L3MBTL3: variants seen among roughly 807,000 people sequenced by gnomAD.
L3MBTL3 encodes the protein L3MBTL histone methyl-lysine binding protein 3, also known as lethal(3)malignant brain tumor-like protein 3.
In L3MBTL3, 27 loss-of-function variants were observed where a neutral mutation model predicts 102.3. The ratio of observed to expected loss-of-function variants is 0.26; its 90% CI spans 0.19 to 0.36. The LOEUF (loss-of-function observed/expected upper bound fraction) is 0.36, where lower values mean the gene tolerates loss of function less well. Among genes scored for constraint, L3MBTL3 ranks in the 10% least tolerant of loss-of-function variants. The pLI is 1.00. For synonymous variants in L3MBTL3, 340 were observed against 320.9 expected (o/e 1.06, Z -0.64); for missense variants, 798 against 955.3 (o/e 0.84, Z 2.17).
At chr6:130,102,663 A>G (rs1784765274) in intron 18 of L3MBTL3, among the ~76,000 whole-genome samples, 1 of 152,066 alleles carries the variant, frequency 6.6e-6, no homozygotes, top group Non-Finnish European at 1.5e-5. Flanking sequence ...TTTCCCTCAA[A>G]CAAACCAAGC....
intron 6 of L3MBTL3, 77 bp from the exon 7 acceptor site, chr6:130,052,782 G>T: frequency 3.3e-6 from 5 of 1,494,984 alleles, no homozygotes; most frequent in Admixed American, 4.5e-5. Context: ...TTTAATGATT[G>T]TTGCATTGAT....
chr6:130,049,702 C>T lies in L3MBTL3; in HGVS notation c.215-54C>T, dbSNP rs765746443. ...CTGCCACTTTTTTTCTCATCTACTC[C>T]GATGGTTGTAACTAACACCTATATG... On this transcript the variant is annotated intron_variant, in intron 4 of 22. Coordinates refer to ENST00000361794, the MANE Select transcript of L3MBTL3 (RefSeq NM_032438.4). 111 of 1,610,190 alleles carry T rather than the reference C, an allele frequency of 6.9e-5. 1 individual carries two copies. In the South Asian group the frequency reaches 8.1e-4, roughly 12 times the overall value.
intron 18 of L3MBTL3, among the ~76,000 whole-genome samples, chr6:130,103,360 A>G (rs1227945395): frequency 1.3e-5 from 2 of 152,234 alleles, no homozygotes; most frequent in African/African-American, 4.8e-5. Context: ...TCTGTGATAT[A>G]TCTTATAGGC....
rs575220427 is a variant in L3MBTL3 at position 130,026,221 on chromosome 6, T to G, written c.-16+3916T>G. On this transcript the variant is annotated intron_variant, in intron 2 of 22. Coordinates refer to ENST00000361794, the MANE Select transcript of L3MBTL3 (RefSeq NM_032438.4). Reference sequence around the variant, plus strand: ...TTATTTATTCATCCAAAAAATACTTTGAGTGCTTTCTGTATGCCCAGGTAC... The same window carrying G: ...TTATTTATTCATCCAAAAAATACTTGGAGTGCTTTCTGTATGCCCAGGTAC... 4.6e-5 allele frequency among the ~76,000 whole-genome samples: 7 copies of G among 152,288 alleles called. No homozygotes were observed. The East Asian group carries it at 1.3e-3, about 29-fold the overall frequency.
intron 3 of L3MBTL3, among the ~76,000 whole-genome samples, chr6:130,046,562 T>C (rs977350745): frequency 3.3e-5 from 5 of 152,246 alleles, no homozygotes; most frequent in Non-Finnish European, 7.3e-5. Context: ...CAGTCCCTTA[T>C]ATATTTCAGG....
intron 7 of L3MBTL3, among the ~76,000 whole-genome samples, chr6:130,054,703 C>T (rs1018940162): frequency 2.0e-5 from 3 of 152,122 alleles, no homozygotes; most frequent in Non-Finnish European, 4.4e-5. Context: ...CCCAAGTAGG[C>T]ATTTGTCTAC....
At chr6:130,123,481 ATT>A (rs1786380825) in intron 20 of L3MBTL3, among the ~76,000 whole-genome samples, 3 of 152,106 alleles carry the variant, frequency 2.0e-5, no homozygotes, top group African/African-American at 7.2e-5. Context: ...TATTGCACAT[ATT>A]TTTATAGGTG....
chr6:130,120,901 AAAG>A lies in L3MBTL3; in HGVS notation c.1914_1916del (p.Glu638del). 1.2e-6 allele frequency: 2 copies of A among 1,612,438 alleles called. No homozygotes were observed. Among genetic ancestry groups the A allele is most frequent in the Non-Finnish European group, 1.7e-6 (2 of 1,179,128 alleles). ...TAGAGACCAGCATGCTGATGATGTCAAAGAAGACTTTGAAGAGAGAACAGAAAG... is the reference window on the plus strand; with the variant it reads ...TAGAGACCAGCATGCTGATGATGTCAAAGACTTTGAAGAGAGAACAGAAAG... On this transcript the variant is annotated inframe_deletion, in exon 20 of 23. Transcript: ENST00000361794.
At chr6:130,097,260 TCTTA>T (rs1784414064) in intron 18 of L3MBTL3, among the ~76,000 whole-genome samples, 1 of 152,242 alleles carries the variant, frequency 6.6e-6, no homozygotes, top group African/African-American at 2.4e-5. Flanking sequence ...TTTCACTGGC[TCTTA>T]CTTTTGTTCT....
At chr6:130,105,621 C>CAAAAAAA (rs35147208) in intron 19 of L3MBTL3, among the ~76,000 whole-genome samples, 2 of 122,526 alleles carry the variant, frequency 1.6e-5, no homozygotes, top group Non-Finnish European at 3.3e-5. Context: ...GACCCTGTCT[C>CAAAAAAA]AAAAAAAAAA....
intron 19 of L3MBTL3, among the ~76,000 whole-genome samples, chr6:130,110,097 G>A (rs945104190): frequency 1.3e-5 from 2 of 152,124 alleles, no homozygotes; most frequent in Admixed American, 6.5e-5. Flanking sequence ...TTTGGTTACC[G>A]TAGCCTTGTA....
At chr6:130,035,898 C>CA (rs916522159) in intron 2 of L3MBTL3, among the ~76,000 whole-genome samples, 43 of 150,710 alleles carry the variant, frequency 2.9e-4, no homozygotes, top group South Asian at 6.3e-4. Flanking sequence ...CACCATTTAA[C>CA]AAAAAAAAAT....
rs1406982549 is a variant in L3MBTL3 at position 130,086,045 on chromosome 6, G to T, written c.1408-95G>T. On this transcript the variant is annotated intron_variant, in intron 15 of 22. Coordinates refer to ENST00000361794, the MANE Select transcript of L3MBTL3 (RefSeq NM_032438.4). ...TGGGATTACAGGTGTGAGCCACCGC[G>T]CCTGGCCAGCTTTTTCTTCTTCTTC... 3.6e-6 allele frequency: 3 copies of T among 839,754 alleles called. No individual in the cohort carries two copies. In the African/African-American group the frequency reaches 5.1e-5, roughly 14 times the overall value. 52.0% of individuals were successfully genotyped at this position (839,754 alleles called of 1,614,324 possible).
rs148877036 is a variant in L3MBTL3 at position 130,110,409 on chromosome 6, C to T, written c.1886+5834C>T. On this transcript the variant is annotated intron_variant, in intron 19 of 22. Transcript: ENST00000361794. ...TAGTTCGCCTTGAAGAGGTCCTTCACGTCCCTTCTAAGTTTTATTCCTAGG... is the reference window on the plus strand; with the variant it reads ...TAGTTCGCCTTGAAGAGGTCCTTCATGTCCCTTCTAAGTTTTATTCCTAGG... Among the ~76,000 whole-genome samples the T allele has an allele frequency of 1.2e-4, 19 of 152,256 alleles. No homozygotes were observed. The East Asian group carries it at 3.1e-3, about 25-fold the overall frequency.
intron 6 of L3MBTL3, 37 bp from the exon 7 acceptor site, chr6:130,052,822 G>T: frequency 6.3e-7 from 1 of 1,598,718 alleles, no homozygotes; most frequent in African/African-American, 1.3e-5. Context: ...GATAGGTATT[G>T]TCTCTTGTCA....
At chr6:130,131,385 T>G (rs1247897594) in intron 20 of L3MBTL3, among the ~76,000 whole-genome samples, 1 of 152,204 alleles carries the variant, frequency 6.6e-6, no homozygotes, top group Non-Finnish European at 1.5e-5. Context: ...TCATATGCTG[T>G]TGGTAGGTAT....
rs1463889794 is a variant in L3MBTL3, at chr6:130,133,619, G to A, written c.2134G>A (p.Glu712Lys). 3 of 1,613,108 alleles carry A rather than the reference G, an allele frequency of 1.9e-6. No individual in the cohort carries two copies. Among genetic ancestry groups the A allele is most frequent in the Non-Finnish European group, 2.5e-6 (3 of 1,179,964 alleles). ...TAAAGTTTCCAAATGGAGCACAGACGAGGTATATTTTATTTTCTTTGCTGC... is the reference window on the plus strand; with the variant it reads ...TAAAGTTTCCAAATGGAGCACAGACAAGGTATATTTTATTTTCTTTGCTGC... ...ASKVSKWSTDEVSEFIQSLPG... is the reference protein window; with the variant it reads ...ASKVSKWSTDKVSEFIQSLPG... The change falls in exon 21 of 23, where the codon GAG becomes AAG. Residue 712 changes from glutamate to lysine, a missense_variant and splice_region_variant. Physicochemically the swap from Glu to Lys is moderately conservative, Grantham distance 56 (BLOSUM62 1). Around this residue, in one of 4 missense-constraint regions of L3MBTL3, gnomAD observed 48 missense variants for 107.0 expected, o/e 0.45. Transcript: ENST00000361794. This position sits in a 1 kb window ranked among gnomAD's most constrained non-coding sequence, Gnocchi z 4.9.
intron 22 of L3MBTL3, among the ~76,000 whole-genome samples, chr6:130,136,457 C>T (rs1460543382): frequency 6.6e-6 from 1 of 152,162 alleles, no homozygotes; most frequent in Non-Finnish European, 1.5e-5. Context: ...GAACACTCTT[C>T]CTCCAGATGT....
chr6:130,031,527 CTT>C (rs1328598402), intron 2 of L3MBTL3, among the ~76,000 whole-genome samples: 1 of 152,216 alleles, frequency 6.6e-6, no homozygotes, highest in East Asian at 1.9e-4. Context: ...TTAGACATCT[CTT>C]TTCACAAACC....
Sources: allele counts gnomAD v4.1 joint callset (sites outside exome capture counted in the v4.1 genomes callset), GRCh38; gene constraint gnomAD v4.1.1; regional missense constraint gnomAD v4.1.1; non-coding constraint Gnocchi (gnomAD v3.1); transcripts MANE v1.5; gene names NCBI Gene and HGNC (gene_info 2026-07-23, HGNC 2026-07-21).